The following SH3BP4 variants were observed in gnomAD, a reference collection of about 807,000 sequenced individuals.
The protein encoded by SH3BP4 is SH3 domain binding protein 4, also known as SH3 domain-binding protein 4.
In SH3BP4, 33 loss-of-function variants were observed where a neutral mutation model predicts 65.5. The ratio of observed to expected loss-of-function variants is 0.50; its 90% CI spans 0.38 to 0.67. The LOEUF is 0.67. Ranked by LOEUF, SH3BP4 falls within the 30% of genes least tolerant of loss-of-function variation. SH3BP4 has a pLI of 0.00. For synonymous variants in SH3BP4, 552 were observed against 545.5 expected, an observed-to-expected ratio of 1.01 and a Z score of -0.17; for missense variants, 1,134 against 1,261.4, an observed-to-expected ratio of 0.90 and a Z score of 1.53.
chr2:234,982,908 G>A (rs1049025262), intron 1 of SH3BP4, among the ~76,000 whole-genome samples: 10 of 152,306 alleles, frequency 6.6e-5, no homozygotes, highest in South Asian at 4.1e-4. Context: ...TTGAGCCGGG[G>A]ATAATACAAT....
At chr2:235,016,423 G>A (rs921601203) in intron 2 of SH3BP4, among the ~76,000 whole-genome samples, 1 of 152,186 alleles carries the variant, frequency 6.6e-6, no homozygotes, top group East Asian at 1.9e-4. Flanking sequence ...GTGACTGGAA[G>A]TGTCTGGTGA....
At chr2:235,022,362 T>A (rs900374654) in intron 2 of SH3BP4, among the ~76,000 whole-genome samples, 9 of 152,074 alleles carry the variant, frequency 5.9e-5, no homozygotes, top group African/African-American at 1.7e-4. Context: ...GAGACCAGCC[T>A]GGCCAACATG....
chr2:234,975,251 G>A (rs890667), intron 1 of SH3BP4, among the ~76,000 whole-genome samples: 8,677 of 152,232 alleles, frequency 0.057, 289 homozygotes, highest in African/African-American at 0.08. Flanking sequence ...GTTGCAGGAC[G>A]ACAGACGTGT....
At chr2:235,050,059 C>T (rs1300226777) in intron 4 of SH3BP4, among the ~76,000 whole-genome samples, 1 of 152,104 alleles carries the variant, frequency 6.6e-6, no homozygotes, top group Non-Finnish European at 1.5e-5. Flanking sequence ...TCATGGGGGG[C>T]TCTGGGGAGC....
chr2:235,015,404 T>C (rs1229666275), intron 2 of SH3BP4, among the ~76,000 whole-genome samples: 1 of 152,204 alleles, frequency 6.6e-6, no homozygotes, highest in African/African-American at 2.4e-5. Flanking sequence ...CTGTGCCACA[T>C]TATCTCACAT....
chr2:234,954,537 C>T (rs1293727484), intron 1 of SH3BP4, among the ~76,000 whole-genome samples: 2 of 152,156 alleles, frequency 1.3e-5, no homozygotes, highest in East Asian at 3.9e-4. Flanking sequence ...CTTGTCTGTT[C>T]ATGTATTGTG....
At chr2:235,028,396 G>T (rs1223747856) in intron 2 of SH3BP4, among the ~76,000 whole-genome samples, 1 of 152,218 alleles carries the variant, frequency 6.6e-6, no homozygotes, top group South Asian at 2.1e-4. Context: ...GAACCTGTTG[G>T]TGTTTTGAGA....
Position 235,042,131 on chromosome 2 carries a change from G to A in SH3BP4, c.1362G>A (p.Val454=), listed in dbSNP as rs367746072. Residue 454 remains valine (V), a synonymous_variant, in exon 4 of 6, where the codon GTG becomes GTA. Transcript: ENST00000392011. The surrounding 1 kb of genome is among the most constrained non-coding windows in gnomAD (Gnocchi z 7.3). ...NLEPCMYVAV[V]AHGPSILYPS... is the part of the protein sequence containing the mutation. ...AGCCCTGTATGTACGTGGCTGTCGT[G>A]GCCCATGGCCCAAGCATCCTCTACC... 2.0e-5 allele frequency: 33 copies of A among 1,613,820 alleles called. No homozygotes were observed. Among genetic ancestry groups the A allele is most frequent in the African/African-American group, 2.7e-5 (2 of 74,890 alleles).
chr2:234,956,274 A>T (rs1052937137), intron 1 of SH3BP4, among the ~76,000 whole-genome samples: 1 of 152,194 alleles, frequency 6.6e-6, no homozygotes, highest in Non-Finnish European at 1.5e-5. Context: ...CCGTGAAAAG[A>T]GGGTGTTTGG....
At chr2:234,954,102 T>G (rs1362910411) in intron 1 of SH3BP4, among the ~76,000 whole-genome samples, 1 of 152,014 alleles carries the variant, frequency 6.6e-6, no homozygotes, top group Non-Finnish European at 1.5e-5. Flanking sequence ...TATGGCTCAC[T>G]TGTTTACTAA....
intron 2 of SH3BP4, among the ~76,000 whole-genome samples, chr2:235,017,107 A>G (rs1694709968): frequency 1.5e-5 from 2 of 136,900 alleles, no homozygotes; most frequent in African/African-American, 5.6e-5. Flanking sequence ...GAAAATTGAG[A>G]CTATGCTATA....
At chr2:234,985,142 A>G (rs947369524) in intron 1 of SH3BP4, among the ~76,000 whole-genome samples, 2 of 152,112 alleles carry the variant, frequency 1.3e-5, no homozygotes, top group Non-Finnish European at 2.9e-5. Flanking sequence ...CACACCCCCT[A>G]TTTGGAGAAT....
rs918680059 is a variant in SH3BP4, at chr2:235,014,374, A to T, written c.-133+18998A>T. 2.0e-5 allele frequency among the ~76,000 whole-genome samples: 3 copies of T among 152,136 alleles called. No homozygotes were observed. In the South Asian group the frequency reaches 6.2e-4, roughly 32 times the overall value. Reference sequence around the variant, plus strand: ...GCTCTTGGAGTCTGCATTGTGTTAGATGTTGGAGGCGCTGGGGAAGAAGTG... The same window carrying T: ...GCTCTTGGAGTCTGCATTGTGTTAGTTGTTGGAGGCGCTGGGGAAGAAGTG... On this transcript the variant is annotated intron_variant, in intron 2 of 5. Transcript: ENST00000392011.
intron 4 of SH3BP4, among the ~76,000 whole-genome samples, chr2:235,051,382 A>G: frequency 6.6e-6 from 1 of 152,100 alleles, no homozygotes; most frequent in Non-Finnish European, 1.5e-5. Flanking sequence ...TATATTAGCC[A>G]TATGTTCAAT....
Position 235,026,838 on chromosome 2 carries a change from G to A in SH3BP4, c.-132-8033G>A, listed in dbSNP as rs532814196. On this transcript the variant is annotated intron_variant, in intron 2 of 5. Transcript: ENST00000392011. This position sits in a 1 kb window ranked among gnomAD's most constrained non-coding sequence, Gnocchi z 4.6. ...AGGGGCACTGTGAGTGAGTCTGATC[G>A]GCTGGCGTGCCTGTCGGTGGCTGCC... is the stretch of plus-strand genomic sequence containing the variant. Among the ~76,000 whole-genome samples the A allele has an allele frequency of 5.3e-5, 8 of 152,100 alleles. No individual in the cohort carries two copies. The highest frequency in any genetic ancestry group is 3.9e-4 in the East Asian group (2 of 5,174).
chr2:235,027,013 A>G (rs1212839406), intron 2 of SH3BP4, among the ~76,000 whole-genome samples: 1 of 152,236 alleles, frequency 6.6e-6, no homozygotes, highest in Non-Finnish European at 1.5e-5. Context: ...CTCCAGGAGC[A>G]TTAGGAAAGG....
intron 2 of SH3BP4, among the ~76,000 whole-genome samples, chr2:235,023,748 A>G (rs1215981760): frequency 1.3e-5 from 2 of 152,224 alleles, no homozygotes; most frequent in African/African-American, 4.8e-5. Flanking sequence ...AAAACAAAGT[A>G]GAAGATTTTA....
At chr2:234,984,780 G>C (rs1372197630) in intron 1 of SH3BP4, among the ~76,000 whole-genome samples, 1 of 152,088 alleles carries the variant, frequency 6.6e-6, no homozygotes, top group Non-Finnish European at 1.5e-5. Context: ...TACAACCCCT[G>C]AAAGCAGAGC....
chr2:234,972,750 AT>A (rs1444413813), intron 1 of SH3BP4, among the ~76,000 whole-genome samples: 1 of 152,106 alleles, frequency 6.6e-6, no homozygotes, highest in Admixed American at 6.6e-5. Context: ...GCTCAAGTGA[AT>A]TGTTTTAGAT....
Sources: gnomAD v4.1 joint callset for allele counts (sites outside exome capture counted in the v4.1 genomes callset) on GRCh38, gnomAD v4.1.1 for gene constraint, Gnocchi (gnomAD v3.1) non-coding constraint, MANE v1.5 for transcripts, NCBI Gene and HGNC (gene_info 2026-07-23, HGNC 2026-07-21) for gene names.